The following SHF variants were observed in gnomAD, a reference collection of about 807,000 sequenced individuals.
SHF encodes Src homology 2 domain containing F.
In SHF, 30 loss-of-function variants were observed where a neutral mutation model predicts 42.4. The observed-to-expected ratio is 0.71, with a 90% confidence interval of 0.53 to 0.96. The LOEUF is 0.96. SHF is among the 40% of genes least tolerant of loss of function. The pLI is 0.00. For synonymous variants in SHF, 264 were observed against 269.9 expected (o/e 0.98, Z 0.21); for missense variants, 598 against 634.0 (o/e 0.94, Z 0.61).
rs1898547041 is a variant in SHF, at chr15:45,187,896, C to T, written c.56G>A (p.Gly19Glu). Residue 19 changes from glycine to glutamate, a missense_variant, in exon 1 of 7, where the codon GGG (glycine) becomes GAG (glutamate). Gly to Glu is a moderately conservative substitution (Grantham distance 98). Coordinates refer to ENST00000690270, the MANE Select transcript of SHF (RefSeq NM_001394037.1). The stretch of plus-strand genomic sequence containing the variant: ...CCCCCCCGGGCCGCCCCCAGCGCTC[C>T]CCTGCGTTCGCGGCCCCGGGCGGGA... ...AGSRPGPRTQ[G>E]SAGGGPGGSR... The T allele has an allele frequency of 8.4e-7, 1 of 1,187,010 alleles. No homozygotes were observed. Among genetic ancestry groups the T allele is most frequent in the Non-Finnish European group, 1.0e-6 (1 of 958,582 alleles). 73.5% of individuals were successfully genotyped at this position (1,187,010 alleles called of 1,614,324 possible). A position where few individuals can be genotyped will look rare whatever the true frequency, so the allele number is the denominator to read the frequency against.
intron 1 of SHF, chr15:45,199,231 G>A: frequency 1.2e-6 from 1 of 848,430 alleles, no homozygotes; most frequent in Non-Finnish European, 1.7e-6. Context: ...GACTCCTCCT[G>A]ACTCCTCCTT....
chr15:45,198,456 G>A (rs577903254), intron 2 of SHF: 52 of 317,584 alleles, frequency 1.6e-4, no homozygotes, highest in South Asian at 8.8e-4. Flanking sequence ...TTACATGAGA[G>A]TTACTGTAGG....
chr15:45,170,370 A>G, intron 6 of SHF: 1 of 1,287,302 alleles, frequency 7.8e-7, no homozygotes, highest in Non-Finnish European at 1.0e-6. Context: ...CATGAACTTT[A>G]TAATTTTTAA....
chr15:45,190,257 G>A (rs1396738337), upstream of SHF, among the ~76,000 whole-genome samples: 1 of 152,178 alleles, frequency 6.6e-6, no homozygotes, highest in South Asian at 2.1e-4. Flanking sequence ...TTTAAAATGT[G>A]CAGTTAAATT....
intron 1 of SHF, among the ~76,000 whole-genome samples, chr15:45,181,832 C>T (rs1002792450): frequency 1.3e-5 from 2 of 152,304 alleles, no homozygotes; most frequent in African/African-American, 2.4e-5. Flanking sequence ...AAATTAAAGA[C>T]TTTCAAAACT....
At chr15:45,193,715 G>T (rs1315058077) in intron 2 of SHF, among the ~76,000 whole-genome samples, 1 of 152,172 alleles carries the variant, frequency 6.6e-6, no homozygotes, top group Admixed American at 6.5e-5. Flanking sequence ...ATGGAGCCAG[G>T]TGCAGTGGCT....
chr15:45,177,252 G>C (rs965918465), intron 2 of SHF, among the ~76,000 whole-genome samples: 4 of 152,172 alleles, frequency 2.6e-5, no homozygotes, highest in Admixed American at 6.5e-5. Flanking sequence ...AGCTTGGATG[G>C]GGACAAGCTC....
intron 6 of SHF, among the ~76,000 whole-genome samples, chr15:45,169,118 G>A (rs1897349082): frequency 6.6e-6 from 1 of 152,182 alleles, no homozygotes; most frequent in South Asian, 2.1e-4. Context: ...ACAAGGACGG[G>A]GCTTAGAGGT....
chr15:45,178,393 AG>A, intron 1 of SHF, 87 bp from the exon 2 acceptor site: 3 of 1,477,472 alleles, frequency 2.0e-6, no homozygotes, highest in Non-Finnish European at 2.7e-6. Flanking sequence ...TGGGAGCAAG[AG>A]TCCCAAGTAG....
At position 45,171,998 on chromosome 15, in the gene SHF, A is replaced by G; in HGVS notation, c.1165T>C (p.Tyr389His). The G allele has an allele frequency of 6.2e-7, 1 of 1,613,898 alleles. No homozygotes were observed. Among genetic ancestry groups the G allele is most frequent in the South Asian group, 1.1e-5 (1 of 91,064 alleles). The change falls in exon 6 of 7, where the codon TAT becomes CAT. Residue 389 changes from tyrosine (Y) to histidine (H), a missense_variant. Tyr to His is a moderately conservative substitution (Grantham distance 83). Transcript: ENST00000690270. ...TCGGTTCGGCTGATGGCCCCGTGATACCAGCTAAGGATGAGAGAGAGGAAG... is the reference window on the plus strand; with the variant it reads ...TCGGTTCGGCTGATGGCCCCGTGATGCCAGCTAAGGATGAGAGAGAGGAAG... ...PALPLENQVW[Y>H]HGAISRTDAE...
intron 2 of SHF, among the ~76,000 whole-genome samples, chr15:45,193,729 G>A (rs1455094513): frequency 6.6e-6 from 1 of 152,026 alleles, no homozygotes; most frequent in Non-Finnish European, 1.5e-5. Flanking sequence ...AGTGGCTCAC[G>A]CCTATAATCC....
intron 6 of SHF, chr15:45,171,605 T>C: frequency 2.1e-6 from 1 of 487,712 alleles, no homozygotes; most frequent in Non-Finnish European, 3.7e-6. Flanking sequence ...ATCCATTTCA[T>C]TAGTAAGGAA....
chr15:45,173,284 A>G (rs1897613183), intron 4 of SHF, among the ~76,000 whole-genome samples: 1 of 152,138 alleles, frequency 6.6e-6, no homozygotes, highest in Non-Finnish European at 1.5e-5. Flanking sequence ...GCTCAGGAGT[A>G]TTTGCATTGC....
At chr15:45,194,190 G>A (rs1391351775) in intron 2 of SHF, among the ~76,000 whole-genome samples, 1 of 151,130 alleles carries the variant, frequency 6.6e-6, no homozygotes. Flanking sequence ...CTGTAAAGGA[G>A]AGCTTTCTTA....
At chr15:45,174,912 T>G (rs1897717046) in intron 3 of SHF, among the ~76,000 whole-genome samples, 1 of 152,170 alleles carries the variant, frequency 6.6e-6, no homozygotes. Context: ...CATAAGTTTG[T>G]TTTGGAATTT....
intron 2 of SHF, chr15:45,198,701 T>A: frequency 2.0e-6 from 3 of 1,530,596 alleles, no homozygotes; most frequent in East Asian, 2.3e-5. Flanking sequence ...CCCGTAGGGG[T>A]TGGCTTCTGA....
chr15:45,195,431 AT>A (rs1303790421), intron 2 of SHF, among the ~76,000 whole-genome samples: 1 of 151,808 alleles, frequency 6.6e-6, no homozygotes, highest in Admixed American at 6.6e-5. Context: ...ATTTTGTCTC[AT>A]TTTTTTTCCC....
chr15:45,175,878 G>A (rs992537235), intron 2 of SHF, among the ~76,000 whole-genome samples: 6 of 149,076 alleles, frequency 4.0e-5, no homozygotes, highest in Non-Finnish European at 8.9e-5. Flanking sequence ...GAGTGCAATG[G>A]CACGATCTCG....
chr15:45,175,705 A>G (rs1020103636), intron 2 of SHF, among the ~76,000 whole-genome samples: 1 of 152,144 alleles, frequency 6.6e-6, no homozygotes, highest in African/African-American at 2.4e-5. Flanking sequence ...GCTAAAATTT[A>G]TGAGTTTAGG....
Sources: gnomAD v4.1 joint callset for allele counts (sites outside exome capture counted in the v4.1 genomes callset) on GRCh38, gnomAD v4.1.1 for gene constraint, MANE v1.5 for transcripts, NCBI Gene and HGNC (gene_info 2026-07-23, HGNC 2026-07-21) for gene names.